Variants in DCC observed in about 807,000 individuals in gnomAD.
DCC encodes netrin receptor DCC.
Under a neutral mutation model 172.5 loss-of-function variants are expected in DCC, and 58 were observed. The observed-to-expected ratio is 0.34, with a 90% CI of 0.27 to 0.42. DCC has a LOEUF of 0.42. DCC is among the 10% of genes least tolerant of loss of function. DCC has a pLI of 1.00. For synonymous variants in DCC, 709 were observed against 644.5 expected, an observed-to-expected ratio of 1.10 and a Z score of -1.52; for missense variants, 1,740 against 1,791.0, an observed-to-expected ratio of 0.97 and a Z score of 0.51.
chr18:53,036,264 G>T (rs981718544), intron 5 of DCC, among the ~76,000 whole-genome samples: 15 of 152,000 alleles, frequency 9.9e-5, no homozygotes, highest in African/African-American at 3.6e-4. Flanking sequence ...TATAATGCTT[G>T]TTTTGAAAAC....
At chr18:52,642,045 T>C (rs1431752286) in intron 1 of DCC, among the ~76,000 whole-genome samples, 1,409 of 9,248 alleles carry the variant, frequency 0.15, 73 homozygotes, top group East Asian at 0.42. Flanking sequence ...TATATATATA[T>C]ACTGTGGTGT....
intron 1 of DCC, among the ~76,000 whole-genome samples, chr18:52,490,634 T>C (rs772730621): frequency 6.6e-6 from 1 of 152,146 alleles, no homozygotes; most frequent in East Asian, 1.9e-4. Flanking sequence ...TTTTCAAATC[T>C]TGAATATTCT....
intron 8 of DCC, among the ~76,000 whole-genome samples, chr18:53,161,719 C>T (rs755580960): frequency 1.4e-4 from 21 of 152,108 alleles, no homozygotes; most frequent in Non-Finnish European, 2.4e-4. Flanking sequence ...CTTTTGAAAT[C>T]TTCATATTTC....
At chr18:52,940,552 T>G (rs964945114) in intron 5 of DCC, among the ~76,000 whole-genome samples, 1 of 152,180 alleles carries the variant, frequency 6.6e-6, no homozygotes, top group African/African-American at 2.4e-5. Context: ...CTGAGACAGA[T>G]CTTTAAGTTT....
chr18:52,407,454 T>C (rs1479463228), intron 1 of DCC, among the ~76,000 whole-genome samples: 1 of 152,108 alleles, frequency 6.6e-6, no homozygotes, highest in Non-Finnish European at 1.5e-5. Flanking sequence ...AATAAATTAA[T>C]AACCTGGTCA....
intron 24 of DCC, among the ~76,000 whole-genome samples, chr18:53,461,470 G>A (rs1366435473): frequency 1.3e-5 from 2 of 152,090 alleles, no homozygotes; most frequent in African/African-American, 4.8e-5. Context: ...AAGGTGTAAG[G>A]AAGGGATCCA....
intron 1 of DCC, among the ~76,000 whole-genome samples, chr18:52,589,210 T>C (rs2033744548): frequency 2.0e-5 from 3 of 152,182 alleles, no homozygotes. Flanking sequence ...TGAGACAGCT[T>C]GACAAAAGCA....
At chr18:53,396,353 T>C (rs1274729940) in intron 17 of DCC, among the ~76,000 whole-genome samples, 2 of 152,222 alleles carry the variant, frequency 1.3e-5, no homozygotes, top group African/African-American at 4.8e-5. Flanking sequence ...AAACCTTGCA[T>C]CATGTTTTTT....
chr18:52,628,296 A>G (rs1394591547), intron 1 of DCC, among the ~76,000 whole-genome samples: 2 of 152,218 alleles, frequency 1.3e-5, no homozygotes, highest in Admixed American at 1.3e-4. Flanking sequence ...ATTTTCAAAC[A>G]TAATTATGAC....
chr18:52,731,833 T>C (rs1036491565), intron 1 of DCC, among the ~76,000 whole-genome samples: 1 of 152,180 alleles, frequency 6.6e-6, no homozygotes, highest in Non-Finnish European at 1.5e-5. Context: ...TGTCAGACAA[T>C]CAATATGTTT....
intron 1 of DCC, among the ~76,000 whole-genome samples, chr18:52,578,094 T>C (rs2033457611): frequency 6.6e-6 from 1 of 152,232 alleles, no homozygotes; most frequent in African/African-American, 2.4e-5. Flanking sequence ...AATTTTGCTA[T>C]TCCTTCCAAC....
At chr18:53,262,553 C>T (rs1031471090) in intron 12 of DCC, among the ~76,000 whole-genome samples, 1 of 152,160 alleles carries the variant, frequency 6.6e-6, no homozygotes, top group African/African-American at 2.4e-5. Context: ...TTAAAACATG[C>T]AGTGAGCATA....
chr18:53,037,619 C>T (rs1351439680), intron 5 of DCC, among the ~76,000 whole-genome samples: 1 of 151,864 alleles, frequency 6.6e-6, no homozygotes, highest in African/African-American at 2.4e-5. Context: ...AAGGAATATA[C>T]CATACTGATA....
At position 53,273,046 on chromosome 18, in the gene DCC, C is replaced by A. The variant is rs7230784; in HGVS notation, c.1912-32532C>A. On this transcript the variant is annotated intron_variant, in intron 12 of 28. Transcript: ENST00000442544. ...CAAACACTAAAAGAGGGAAAATGAT[C>A]CATTATTCAATGGAAATAATTTAGC... Among the ~76,000 whole-genome samples the A allele has an allele frequency of 1.3e-3, 196 of 152,102 alleles. 2 individuals carry two copies. The highest frequency in any genetic ancestry group is 4.6e-3 in the African/African-American group (191 of 41,504).
At chr18:53,250,898 C>T (rs1408623338) in intron 12 of DCC, among the ~76,000 whole-genome samples, 4 of 151,942 alleles carry the variant, frequency 2.6e-5, no homozygotes, top group Non-Finnish European at 5.9e-5. Flanking sequence ...TTTTCCTAAA[C>T]CTGTTCTCAT....
At chr18:52,699,892 T>A (rs1433428978) in intron 1 of DCC, among the ~76,000 whole-genome samples, 2 of 152,188 alleles carry the variant, frequency 1.3e-5, no homozygotes, top group African/African-American at 4.8e-5. Context: ...CCATTTAACA[T>A]GTACAATGGT....
At chr18:52,820,051 G>T (rs989583159) in intron 2 of DCC, among the ~76,000 whole-genome samples, 3 of 152,102 alleles carry the variant, frequency 2.0e-5, no homozygotes, top group South Asian at 4.1e-4. Context: ...TTTTTTCAAC[G>T]TGGGAGTGAG....
chr18:52,629,721 C>T (rs187790647), intron 1 of DCC, among the ~76,000 whole-genome samples: 1,873 of 151,962 alleles, frequency 0.012, 40 homozygotes, highest in African/African-American at 0.043. Context: ...GAGGCCGAGG[C>T]GGGCAGATCA....
In DCC at chr18:53,066,052, A is replaced by G; in HGVS notation, c.1147A>G (p.Ser383Gly). ...TGCTTTTTCTTTTCCCTAGGGAGGA[A>G]GCAACTTACGGATACTTGGGGTGGT... ...PSDYFQIVGG[S>G]NLRILGVVKS... The change falls in exon 7 of 29, where the codon AGC becomes GGC. Residue 383 changes from serine (S) to glycine (G), a missense_variant. Physicochemically the swap from Ser to Gly is moderately conservative, Grantham distance 56 (BLOSUM62 0). This residue lies in a region of DCC where 1,732 missense variants were observed against 1,767.4 expected (regional missense o/e 0.98). Transcript: ENST00000442544. The G allele has an allele frequency of 6.2e-7, 1 of 1,613,112 alleles. No individual in the cohort carries two copies. Among genetic ancestry groups the G allele is most frequent in the South Asian group, 1.1e-5 (1 of 91,078 alleles).
Sources: gnomAD v4.1 joint callset for allele counts (sites outside exome capture counted in the v4.1 genomes callset) on GRCh38, gnomAD v4.1.1 for gene constraint, gnomAD v4.1.1 regional missense constraint, MANE v1.5 for transcripts, NCBI Gene and HGNC (gene_info 2026-07-23, HGNC 2026-07-21) for gene names.